The following CCDC178 variants were observed in gnomAD, a reference collection of about 807,000 sequenced individuals.
CCDC178 encodes coiled-coil domain containing 178, also known as coiled-coil domain-containing protein 178.
CCDC178 carries 126 observed loss-of-function variants against 117.4 expected under a neutral mutation model. The observed-to-expected ratio is 1.07, with a 90% CI of 0.93 to 1.24. The LOEUF (loss-of-function observed/expected upper bound fraction) is 1.24. Ranked by LOEUF, CCDC178 falls within the 50% of genes most tolerant of loss-of-function variation. CCDC178 has a pLI of 0.00. For synonymous variants in CCDC178, 283 were observed against 313.4 expected (o/e 0.90, Z 1.02); for missense variants, 1,030 against 986.9 (o/e 1.04, Z -0.59).
At chr18:33,215,891 T>G (rs2059160005) in intron 18 of CCDC178, among the ~76,000 whole-genome samples, 196 bp from the exon 19 acceptor site, 1 of 151,674 alleles carries the variant, frequency 6.6e-6, no homozygotes, top group African/African-American at 2.4e-5. Flanking sequence ...GAGCCAGGAG[T>G]TCAAGACCAA....
chr18:33,070,451 G>A (rs2057088584), intron 21 of CCDC178, among the ~76,000 whole-genome samples: 2 of 152,098 alleles, frequency 1.3e-5, no homozygotes, highest in Admixed American at 1.3e-4. Context: ...TTACTCATAT[G>A]TGGGAGCTAA....
intron 14 of CCDC178, among the ~76,000 whole-genome samples, chr18:33,252,382 GCTAA>G (rs542387990): frequency 1.1e-3 from 172 of 151,750 alleles, no homozygotes; most frequent in Admixed American, 1.8e-3. Flanking sequence ...TCTAAAATGG[GCTAA>G]CTAACATGTG....
At chr18:32,986,676 A>G (rs1174489061) in intron 21 of CCDC178, among the ~76,000 whole-genome samples, 21 of 152,136 alleles carry the variant, frequency 1.4e-4, no homozygotes, top group Admixed American at 1.4e-3. Flanking sequence ...TGCAAGAAGG[A>G]ATGGTGAATA....
rs2059259632 is a variant in CCDC178 at position 33,223,218 on chromosome 18, A to G, written c.1820T>C (p.Met607Thr). The G allele has an allele frequency of 3.1e-6, 5 of 1,592,632 alleles. No homozygotes were observed. The highest frequency in any genetic ancestry group is 3.4e-6 in the Non-Finnish European group (4 of 1,170,640). Reference sequence around the variant, plus strand: ...TTTCTGATCAATTATATTATTAAGCATCTAGAAGACATTCAGATATTAAGA... The same window carrying G: ...TTTCTGATCAATTATATTATTAAGCGTCTAGAAGACATTCAGATATTAAGA... The part of the protein sequence containing the change: ...IRSLDKEHSV[M>T]LNNIIDQKDL... Residue 607 changes from methionine to threonine, a missense_variant and splice_region_variant, in exon 18 of 23, where the codon ATG becomes ACG. Met to Thr is a moderately conservative substitution (Grantham distance 81). Coordinates refer to ENST00000383096, the MANE Select transcript of CCDC178 (RefSeq NM_001105528.4).
At chr18:33,237,790 A>T (rs1204017576) in intron 15 of CCDC178, among the ~76,000 whole-genome samples, 2 of 152,070 alleles carry the variant, frequency 1.3e-5, no homozygotes, top group Non-Finnish European at 2.9e-5. Flanking sequence ...CAAAAAAAAA[A>T]ACATAAATAA....
intron 14 of CCDC178, among the ~76,000 whole-genome samples, chr18:33,254,306 A>G (rs929053205): frequency 6.6e-6 from 1 of 151,370 alleles, no homozygotes; most frequent in Non-Finnish European, 1.5e-5. Flanking sequence ...ACACAGATAC[A>G]TATAATGAAG....
intron 21 of CCDC178, among the ~76,000 whole-genome samples, chr18:32,993,061 G>T (rs756147434): frequency 6.6e-6 from 1 of 152,020 alleles, no homozygotes; most frequent in East Asian, 1.9e-4. Flanking sequence ...AGCTACTCTC[G>T]AGGCTGAGTC....
chr18:33,200,369 G>A (rs979406888), intron 20 of CCDC178, among the ~76,000 whole-genome samples: 7 of 152,250 alleles, frequency 4.6e-5, no homozygotes, highest in Non-Finnish European at 8.8e-5. Flanking sequence ...ACACTAATGC[G>A]AAACAGCAGT....
intron 20 of CCDC178, among the ~76,000 whole-genome samples, chr18:33,209,692 T>C (rs1010990940): frequency 6.6e-6 from 1 of 152,188 alleles, no homozygotes; most frequent in East Asian, 1.9e-4. Flanking sequence ...GGCACATCAA[T>C]CTCTAAACTC....
intron 5 of CCDC178, among the ~76,000 whole-genome samples, chr18:33,373,981 A>C (rs1009591149): frequency 1.3e-5 from 2 of 152,162 alleles, no homozygotes; most frequent in African/African-American, 4.8e-5. Flanking sequence ...AAAAATGGGC[A>C]GTTCAAGGTT....
At chr18:33,344,844 C>T (rs1215691716) in intron 9 of CCDC178, among the ~76,000 whole-genome samples, 1 of 147,520 alleles carries the variant, frequency 6.8e-6, no homozygotes, top group Non-Finnish European at 1.5e-5. Flanking sequence ...CACACACACA[C>T]ACACACACAC....
chr18:33,249,085 A>C (rs1253102493), intron 14 of CCDC178, among the ~76,000 whole-genome samples: 2 of 152,100 alleles, frequency 1.3e-5, no homozygotes, highest in Non-Finnish European at 2.9e-5. Flanking sequence ...GTGTCTGTTC[A>C]TATCCTTCAC....
At chr18:33,426,995 T>C (rs561242407) in intron 2 of CCDC178, among the ~76,000 whole-genome samples, 45 of 152,140 alleles carry the variant, frequency 3.0e-4, no homozygotes, top group Non-Finnish European at 5.3e-4. Context: ...TTGCTCTTAA[T>C]GTGAAGGAGC....
chr18:33,415,372 T>TA, intron 2 of CCDC178, among the ~76,000 whole-genome samples: 1 of 152,048 alleles, frequency 6.6e-6, no homozygotes. Context: ...TATGCAGCCA[T>TA]AAAAAATGAT....
At chr18:33,250,133 G>A (rs548417152) in intron 14 of CCDC178, among the ~76,000 whole-genome samples, 2 of 151,704 alleles carry the variant, frequency 1.3e-5, no homozygotes, top group South Asian at 4.2e-4. Flanking sequence ...TAAACAAGAT[G>A]ATATAAAAAC....
intron 2 of CCDC178, 92 bp from the exon 3 acceptor site, chr18:33,412,202 TA>T: frequency 2.0e-6 from 1 of 504,086 alleles, no homozygotes; most frequent in Middle Eastern, 5.6e-4. Context: ...ACTGATAGTG[TA>T]AAATGTAAGG....
chr18:33,095,435 G>C (rs1285576631), intron 20 of CCDC178, among the ~76,000 whole-genome samples: 2 of 151,850 alleles, frequency 1.3e-5, no homozygotes, highest in Non-Finnish European at 2.9e-5. Flanking sequence ...GGATATTACA[G>C]CTTCTTTTCC....
intron 18 of CCDC178, among the ~76,000 whole-genome samples, chr18:33,222,437 A>G (rs1444359173): frequency 1.3e-5 from 2 of 152,050 alleles, no homozygotes; most frequent in Non-Finnish European, 2.9e-5. Flanking sequence ...AAAGTTCTAG[A>G]GCTAAGCAAT....
chr18:33,351,979 A>G (rs1232272682), intron 7 of CCDC178, among the ~76,000 whole-genome samples: 1 of 152,138 alleles, frequency 6.6e-6, no homozygotes, highest in Non-Finnish European at 1.5e-5. Context: ...TTTTTGGAAG[A>G]GTTTGAGAAG....
Sources: gnomAD v4.1 joint callset for allele counts (sites outside exome capture counted in the v4.1 genomes callset) on GRCh38, gnomAD v4.1.1 for gene constraint, MANE v1.5 for transcripts, NCBI Gene and HGNC (gene_info 2026-07-23, HGNC 2026-07-21) for gene names.